Variants in AGL observed in about 807,000 individuals in gnomAD.
AGL encodes the protein glycogen debranching enzyme.
AGL carries 128 observed loss-of-function variants against 199.3 expected under a neutral mutation model. The observed-to-expected ratio is 0.64, with a 90% confidence interval of 0.56 to 0.74. AGL has a LOEUF of 0.74. Among genes scored for constraint, AGL ranks in the 30% least tolerant of loss-of-function variants. The pLI is 0.00. For missense variants in AGL, 1,809 were observed against 1,820.8 expected (o/e 0.99, Z 0.12); for synonymous variants, 584 against 594.7 (o/e 0.98, Z 0.26).
At chr1:99,851,779 A>G (rs921467030) in intron 2 of AGL, among the ~76,000 whole-genome samples, 2 of 152,248 alleles carry the variant, frequency 1.3e-5, no homozygotes, top group Non-Finnish European at 2.9e-5. Flanking sequence ...TCAACATTGA[A>G]GAAGTGTAAT....
chr1:99,895,463 A>C (rs1653225365), intron 24 of AGL, among the ~76,000 whole-genome samples: 1 of 152,168 alleles, frequency 6.6e-6, no homozygotes, highest in Non-Finnish European at 1.5e-5. Flanking sequence ...AACACTTTTA[A>C]GTTGTTTTAA....
rs957430075 is a variant in AGL, at chr1:99,874,869, G to T, written c.1082+59G>T. The T allele has an allele frequency of 1.9e-6, 3 of 1,570,346 alleles. No individual in the cohort carries two copies. In the African/African-American group the frequency reaches 4.1e-5, roughly 21 times the overall value. ...TATTACTTACAAACCTTTATGGCTA[G>T]TATGATTTTCATACTACTTATTAAA... On this transcript the variant is annotated intron_variant, in intron 8 of 33. Transcript: ENST00000361915.
At position 99,863,538 on chromosome 1, in the gene AGL, C is replaced by T. The variant is rs376119281; in HGVS notation, c.461-848C>T. 6.6e-5 allele frequency among the ~76,000 whole-genome samples: 10 copies of T among 152,110 alleles called. No individual in the cohort carries two copies. The East Asian group carries it at 1.2e-3, about 18-fold the overall frequency. ...CGCAATCTCGGCTCACTGCAAGCTC[C>T]GCCTCCTGGGTTCACACCATTCTTC... is the stretch of plus-strand genomic sequence containing the variant. On this transcript the variant is annotated intron_variant, in intron 4 of 33. Transcript: ENST00000361915.
chr1:99,910,736 A>T lies in AGL; in HGVS notation c.3725A>T (p.Asp1242Val). The T allele has an allele frequency of 6.2e-7, 1 of 1,609,008 alleles. No homozygotes were observed. The highest frequency in any genetic ancestry group is 1.1e-5 in the South Asian group (1 of 90,950). The change falls in exon 28 of 34, where the codon GAT becomes GTT. Residue 1242 changes from aspartate (D) to valine (V), a missense_variant. By Grantham distance (152) the Asp-to-Val change is radical (BLOSUM62 -3). Coordinates refer to ENST00000361915, the MANE Select transcript of AGL (RefSeq NM_000642.3). ...DEGFNITAGV[D>V]EETGFVYGGN... ...GGTTTTAATATAACTGCAGGAGTTG[A>T]TGAAGAAACAGGATTTGTTTATGGA...
At chr1:99,868,251 C>A (rs551426273) in intron 5 of AGL, among the ~76,000 whole-genome samples, 1 of 152,172 alleles carries the variant, frequency 6.6e-6, no homozygotes, top group Non-Finnish European at 1.5e-5. Context: ...GTTTAGAATT[C>A]TTTCATTTTA....
chr1:99,904,157 A>G (rs1654069178), intron 27 of AGL, among the ~76,000 whole-genome samples: 1 of 152,184 alleles, frequency 6.6e-6, no homozygotes, highest in Admixed American at 6.5e-5. Flanking sequence ...GTGCTTTTCT[A>G]ACTTCTCTTG....
Position 99,887,857 on chromosome 1 carries a change from G to A in AGL, c.2682-121G>A. ...TGAGTATAATGTTTATTTGAATGCT[G>A]AGTTCCTAAAACATACACTGCTAAG... On this transcript the variant is annotated intron_variant, in intron 20 of 33. Coordinates refer to ENST00000361915, the MANE Select transcript of AGL (RefSeq NM_000642.3). 3.7e-6 allele frequency: 4 copies of A among 1,082,918 alleles called. No homozygotes were observed. The South Asian group carries it at 4.0e-5, about 11-fold the overall frequency. 67.1% of individuals were successfully genotyped at this position (1,082,918 alleles called of 1,614,324 possible).
chr1:99,921,877 T>G lies in AGL; in HGVS notation c.*226T>G. ...TCATTACCAATGAAATGTGTTTGAG[T>G]TCAGTAAGAATTATTCAAATGCCTA... On this transcript the variant is annotated 3_prime_UTR_variant, in exon 34 of 34. Transcript: ENST00000361915. 3.0e-6 allele frequency: 1 copy of G among 337,426 alleles called. No individual in the cohort carries two copies. Among genetic ancestry groups the G allele is most frequent in the Non-Finnish European group, 5.3e-6 (1 of 187,522 alleles). The allele number at this position is 337,426 out of a possible 1,614,324, so 20.9% of individuals were successfully genotyped here.
rs770178156 is a variant in AGL, at chr1:99,916,686, T to C, written c.4436T>C (p.Val1479Ala). The C allele has an allele frequency of 2.2e-5, 36 of 1,613,332 alleles. No individual in the cohort carries two copies. The highest frequency in any genetic ancestry group is 2.9e-5 in the Non-Finnish European group (34 of 1,179,636). Residue 1479 changes from valine to alanine, a missense_variant, in exon 33 of 34, where the codon GTT (valine) becomes GCT (alanine). By Grantham distance (64) the Val-to-Ala change is moderately conservative (BLOSUM62 0). Coordinates refer to ENST00000361915, the MANE Select transcript of AGL (RefSeq NM_000642.3). Reference protein sequence around the residue: ...MGPETTAKTIVLVKNVLSRHY... With the variant: ...MGPETTAKTIALVKNVLSRHY... Reference sequence around the variant, plus strand: ...CCGGAGACTACTGCAAAGACTATAGTTTTGGTTAAAAATGTTCTTTCCCGA... The same window carrying C: ...CCGGAGACTACTGCAAAGACTATAGCTTTGGTTAAAAATGTTCTTTCCCGA...
At chr1:99,902,644 A>G in intron 26 of AGL, 39 bp from the exon 27 acceptor site, 1 of 1,466,098 alleles carries the variant, frequency 6.8e-7, no homozygotes, top group East Asian at 2.3e-5. Flanking sequence ...AGAAAAATGT[A>G]ATTTCTAACA....
intron 5 of AGL, 42 bp from the exon 6 acceptor site, chr1:99,870,358 T>C: frequency 6.3e-7 from 1 of 1,580,008 alleles, no homozygotes; most frequent in Non-Finnish European, 8.7e-7. Context: ...ACAGTTTCAA[T>C]TTAATTATGA....
In AGL at chr1:99,910,757, A is replaced by T. The variant is rs1198709856; in HGVS notation, c.3746A>T (p.Tyr1249Phe). ...GTTGATGAAGAAACAGGATTTGTTT[A>T]TGGAGGAAATCGTTTCAATTGTGGC... ...AGVDEETGFVYGGNRFNCGTW... is the reference protein window; with the variant it reads ...AGVDEETGFVFGGNRFNCGTW... The change falls in exon 28 of 34, where the codon TAT (tyrosine) becomes TTT (phenylalanine). Residue 1249 changes from tyrosine (Y) to phenylalanine (F), a missense_variant. Physicochemically the swap from Tyr to Phe is conservative, Grantham distance 22 (BLOSUM62 3). Transcript: ENST00000361915. The T allele has an allele frequency of 6.2e-6, 10 of 1,611,918 alleles. No homozygotes were observed. The highest frequency in any genetic ancestry group is 8.5e-6 in the Non-Finnish European group (10 of 1,178,310).
chr1:99,913,932 A>G (rs559173557), intron 30 of AGL, among the ~76,000 whole-genome samples, 194 bp downstream of exon 30: 16 of 152,298 alleles, frequency 1.1e-4, no homozygotes, highest in African/African-American at 3.4e-4. Flanking sequence ...TCAGTATCCA[A>G]AAGCCGAAAG....
At chr1:99,864,301 G>T in intron 4 of AGL, 85 bp from the exon 5 acceptor site, 1 of 1,267,916 alleles carries the variant, frequency 7.9e-7, no homozygotes, top group Non-Finnish European at 1.1e-6. Flanking sequence ...AATTACTTAA[G>T]AAAGTTTAAA....
intron 33 of AGL, among the ~76,000 whole-genome samples, chr1:99,920,089 G>A (rs974334444): frequency 1.3e-5 from 2 of 152,190 alleles, no homozygotes; most frequent in African/African-American, 4.8e-5. Flanking sequence ...GTGTAATTAT[G>A]GGCAGCATAT....
At chr1:99,901,284 A>C (rs1234383094) in intron 26 of AGL, among the ~76,000 whole-genome samples, 1 of 150,558 alleles carries the variant, frequency 6.6e-6, no homozygotes, top group Admixed American at 6.7e-5. Flanking sequence ...TATGGCACAC[A>C]CCTGTAATCT....
chr1:99,915,759 A>C (rs2100870819), intron 31 of AGL, among the ~76,000 whole-genome samples: 1 of 151,988 alleles, frequency 6.6e-6, no homozygotes, highest in South Asian at 2.1e-4. Context: ...TGACAGAATG[A>C]GACACTGTAT....
chr1:99,914,880 C>G (rs1557792094), intron 30 of AGL, among the ~76,000 whole-genome samples: 1 of 152,060 alleles, frequency 6.6e-6, no homozygotes, highest in African/African-American at 2.4e-5. Flanking sequence ...AGTTCAAGAT[C>G]AGCCTGGGCA....
At position 99,922,999 on chromosome 1, in the gene AGL, T is replaced by C. The variant is rs1198141116; in HGVS notation, c.*1348T>C. ...CTGGGCAGCAAAAATATATAAATGC[T>C]TCAGATGTCAAATACCCATGCTTGA... On this transcript the variant is annotated 3_prime_UTR_variant, in exon 34 of 34. Coordinates refer to ENST00000361915, the MANE Select transcript of AGL (RefSeq NM_000642.3). 1 of 152,098 alleles carries C rather than the reference T, an allele frequency of 6.6e-6. No homozygotes were observed. Among genetic ancestry groups the C allele is most frequent in the Non-Finnish European group, 1.5e-5 (1 of 67,966 alleles). 9.4% of individuals were successfully genotyped at this position (152,098 alleles called of 1,614,324 possible).
Sources: allele counts gnomAD v4.1 joint callset (sites outside exome capture counted in the v4.1 genomes callset), GRCh38; gene constraint gnomAD v4.1.1; transcripts MANE v1.5; gene names NCBI Gene and HGNC (gene_info 2026-07-23, HGNC 2026-07-21).